HSF5: variants seen among roughly 807,000 people sequenced by gnomAD.
HSF5 encodes the protein heat shock transcription factor 5.
HSF5 carries 5 observed loss-of-function variants against 50.8 expected under a neutral mutation model. The ratio of observed to expected loss-of-function variants is 0.10; its 90% CI spans 0.05 to 0.21. The LOEUF (loss-of-function observed/expected upper bound fraction) is 0.21. Ranked by LOEUF, HSF5 falls within the 10% of genes least tolerant of loss-of-function variation. The probability of loss-of-function intolerance (pLI) is 1.00; values close to 1 mark genes in which losing one functional copy is unlikely to be tolerated. For missense variants in HSF5, 564 were observed against 762.6 expected (o/e 0.74, Z 3.07); for synonymous variants, 307 against 307.4 (o/e 1.00, Z 0.02).
intron 2 of HSF5, among the ~76,000 whole-genome samples, chr17:58,479,547 C>A (rs1267968462): frequency 1.3e-5 from 2 of 152,122 alleles, no homozygotes; most frequent in African/African-American, 4.8e-5. Flanking sequence ...AAATGATGCA[C>A]CCGCCTCAGC....
chr17:58,444,242 G>GA (rs2143751590), intron 5 of HSF5, among the ~76,000 whole-genome samples: 1 of 152,166 alleles, frequency 6.6e-6, no homozygotes, highest in Non-Finnish European at 1.5e-5. Context: ...AATTCGTATG[G>GA]AATCTCAAGG....
chr17:58,447,775 G>A (rs1974580161), intron 5 of HSF5, among the ~76,000 whole-genome samples: 2 of 152,184 alleles, frequency 1.3e-5, no homozygotes, highest in South Asian at 4.1e-4. Flanking sequence ...AGGAGGACAG[G>A]TACAAACAGG....
chr17:58,485,411 C>T (rs181656188), intron 1 of HSF5, among the ~76,000 whole-genome samples: 2 of 152,182 alleles, frequency 1.3e-5, no homozygotes, highest in African/African-American at 2.4e-5. Flanking sequence ...GGAATATTGC[C>T]ACCCTTGCCT....
intron 2 of HSF5, among the ~76,000 whole-genome samples, chr17:58,468,147 C>T (rs532781116): frequency 8.5e-5 from 13 of 152,268 alleles, no homozygotes; most frequent in South Asian, 4.1e-4. Context: ...CCTGTAGTCC[C>T]GGCACTTTGA....
intron 1 of HSF5, among the ~76,000 whole-genome samples, chr17:58,485,229 A>C (rs1222977160): frequency 1.3e-5 from 2 of 151,998 alleles, no homozygotes; most frequent in African/African-American, 2.4e-5. Flanking sequence ...CTGGGATTAC[A>C]GGCGTGAGCC....
intron 5 of HSF5, among the ~76,000 whole-genome samples, chr17:58,434,070 C>T (rs1050343626): frequency 1.5e-4 from 22 of 151,628 alleles, no homozygotes; most frequent in Admixed American, 8.5e-4. Flanking sequence ...CATGCCACCC[C>T]GCCTGGTTAA....
intron 2 of HSF5, among the ~76,000 whole-genome samples, chr17:58,471,174 C>T (rs555462599): frequency 1.3e-5 from 2 of 152,236 alleles, no homozygotes; most frequent in East Asian, 1.9e-4. Flanking sequence ...TGTTGCAAAA[C>T]AGTACCCTGA....
intron 5 of HSF5, among the ~76,000 whole-genome samples, chr17:58,429,339 T>C (rs749079997): frequency 6.6e-6 from 1 of 152,150 alleles, no homozygotes. Flanking sequence ...AGGTTGTATA[T>C]CATTATGAAT....
rs1270504351 is a variant in HSF5 at position 58,421,428 on chromosome 17, A to G, written c.*932T>C. The stretch of plus-strand genomic sequence containing the variant: ...ATGTAAAAATCTAAAATAAGAAAAT[A>G]GTATATTAAATCTCTTAATGTTTTT... On this transcript the variant is annotated 3_prime_UTR_variant, in exon 6 of 6. Transcript: ENST00000323777. 1 of 152,602 alleles carries G rather than the reference A, an allele frequency of 6.6e-6. No homozygotes were observed. Among genetic ancestry groups the G allele is most frequent in the Non-Finnish European group, 1.5e-5 (1 of 68,042 alleles). The allele number at this position is 152,602 out of a possible 1,614,324, so 9.5% of individuals were successfully genotyped here.
At chr17:58,436,907 TGGCAGAGGAC>T (rs1974434551) in intron 5 of HSF5, among the ~76,000 whole-genome samples, 1 of 150,462 alleles carries the variant, frequency 6.6e-6, no homozygotes, top group African/African-American at 2.5e-5. Flanking sequence ...GAAAGCAACA[TGGCAGAGGAC>T]CATATTGACT....
chr17:58,427,377 T>C (rs1319326876), intron 5 of HSF5, among the ~76,000 whole-genome samples: 2 of 152,216 alleles, frequency 1.3e-5, no homozygotes, highest in Non-Finnish European at 2.9e-5. Flanking sequence ...ATAATTTAGT[T>C]ACGGAAGGGC....
At chr17:58,464,235 T>C (rs757005184) in intron 3 of HSF5, among the ~76,000 whole-genome samples, 38 of 152,250 alleles carry the variant, frequency 2.5e-4, no homozygotes, top group Non-Finnish European at 5.0e-4. Context: ...CTATAGCCAA[T>C]AGCACATTTA....
Position 58,487,742 on chromosome 17 carries a change from G to A in HSF5, c.533C>T (p.Pro178Leu), listed in dbSNP as rs769689205. ...GGACTCACCGTGCGGCTCGGGCCGG[G>A]GCCCCGCGGGCGGCGGCGGCTGCTG... ...QHQQPPPPAGPRPEPHGPVAV... is the reference protein window; with the variant it reads ...QHQQPPPPAGLRPEPHGPVAV... Residue 178 changes from proline (P) to leucine (L), a missense_variant, in exon 1 of 6, where the codon CCC (proline) becomes CTC (leucine). Physicochemically the swap from Pro to Leu is moderately conservative, Grantham distance 98. This residue lies in a region of HSF5 where 441 missense variants were observed against 533.6 expected (regional missense o/e 0.83). Coordinates refer to ENST00000323777, the MANE Select transcript of HSF5 (RefSeq NM_001080439.3). 4.3e-6 allele frequency: 6 copies of A among 1,383,732 alleles called. No homozygotes were observed. The highest frequency in any genetic ancestry group is 1.7e-5 in the South Asian group (1 of 58,530). The allele number at this position is 1,383,732 out of a possible 1,614,324, so 85.7% of individuals were successfully genotyped here.
chr17:58,461,500 A>G (rs1020928509), intron 4 of HSF5, among the ~76,000 whole-genome samples: 3 of 152,180 alleles, frequency 2.0e-5, no homozygotes, highest in Non-Finnish European at 1.5e-5. Flanking sequence ...ATGGAAAAAA[A>G]ATATATACAC....
intron 5 of HSF5, among the ~76,000 whole-genome samples, chr17:58,430,194 C>T (rs1024574185): frequency 6.6e-6 from 1 of 152,142 alleles, no homozygotes; most frequent in Non-Finnish European, 1.5e-5. Context: ...CTGCCTCAGC[C>T]TCCCAAGTAG....
chr17:58,480,063 C>T lies in HSF5; in HGVS notation c.755G>A (p.Gly252Glu), dbSNP rs199675920. ...CCTCTGGAGTACAGGAAACGGAACC[C>T]CTTTATCTGAAAATGTGGGAGATGT... ...VETSPTFSDK[G>E]VPFPVLQRFP... Residue 252 changes from glycine (G) to glutamate (E), a missense_variant, in exon 2 of 6, where the codon GGG becomes GAG. This residue lies in a region of HSF5 where 441 missense variants were observed against 533.6 expected (regional missense o/e 0.83). Coordinates refer to ENST00000323777, the MANE Select transcript of HSF5 (RefSeq NM_001080439.3). 2 of 1,614,096 alleles carry T rather than the reference C, an allele frequency of 1.2e-6. No individual in the cohort carries two copies. The highest frequency in any genetic ancestry group is 1.7e-5 in the Admixed American group (1 of 60,010).
chr17:58,454,411 C>T (rs1474955563), intron 5 of HSF5, among the ~76,000 whole-genome samples: 2 of 152,138 alleles, frequency 1.3e-5, no homozygotes, highest in East Asian at 1.9e-4. Context: ...AGCTTTTCCT[C>T]GAAGATCTGG....
intron 1 of HSF5, among the ~76,000 whole-genome samples, chr17:58,482,096 T>G (rs1310301342): frequency 7.4e-6 from 1 of 134,310 alleles, no homozygotes; most frequent in South Asian, 2.7e-4. Context: ...CAGAGTGAGA[T>G]CCTATCTCTT....
chr17:58,434,449 G>A (rs1974400769), intron 5 of HSF5, among the ~76,000 whole-genome samples: 1 of 151,962 alleles, frequency 6.6e-6, no homozygotes, highest in African/African-American at 2.4e-5. Flanking sequence ...CTTGGGAAGA[G>A]GCTGAGGCAG....
Sources: allele counts gnomAD v4.1 joint callset (sites outside exome capture counted in the v4.1 genomes callset), GRCh38; gene constraint gnomAD v4.1.1; regional missense constraint gnomAD v4.1.1; transcripts MANE v1.5; gene names NCBI Gene and HGNC (gene_info 2026-07-23, HGNC 2026-07-21).